The following SNAP91 variants were observed in gnomAD, a reference collection of about 807,000 sequenced individuals.
SNAP91 encodes synaptosome associated protein 91, also known as clathrin coat assembly protein AP180.
Under a neutral mutation model 100.3 loss-of-function variants are expected in SNAP91, and 27 were observed. The observed-to-expected ratio is 0.27, with a 90% CI of 0.20 to 0.37. SNAP91 has a LOEUF of 0.37. Ranked by LOEUF, SNAP91 falls within the 10% of genes least tolerant of loss-of-function variation. The pLI is 1.00. For missense variants in SNAP91, 986 were observed against 1,123.7 expected, an observed-to-expected ratio of 0.88 and a Z score of 1.75; for synonymous variants, 404 against 398.6, an observed-to-expected ratio of 1.01 and a Z score of -0.16.
chr6:83,593,516 G>A lies in SNAP91; in HGVS notation c.1658C>T (p.Thr553Ile). The A allele has an allele frequency of 6.4e-7, 1 of 1,552,588 alleles. No individual in the cohort carries two copies. Among genetic ancestry groups the A allele is most frequent in the Non-Finnish European group, 8.7e-7 (1 of 1,147,522 alleles). ...TAGAGCAGGAGGAGCAGTGGTGGCG[G>A]TGGCAGCGGAGGTGGTGGTAGTGGT... is the stretch of plus-strand genomic sequence containing the variant. ...ATTTTTTSAA[T>I]ATTAPPALDI... The change falls in exon 18 of 30, where the codon ACC becomes ATC. Residue 553 changes from threonine to isoleucine, a missense_variant. Transcript: ENST00000369694.
At position 83,671,257 on chromosome 6, in the gene SNAP91, C is replaced by T. The variant is rs181574249; in HGVS notation, c.131-5676G>A. On this transcript the variant is annotated intron_variant, in intron 2 of 29. Transcript: ENST00000369694. ...GATGCATTCCTAATGTTTTATACTT[C>T]TTCAAGATATGGGGATATTTATTTT... 1.7e-3 allele frequency among the ~76,000 whole-genome samples: 252 copies of T among 152,138 alleles called. 2 individuals carry two copies. The highest frequency in any genetic ancestry group is 3.3e-3 in the Admixed American group (50 of 15,262).
At chr6:83,585,541 A>AAACAAAAAAAAAAAC in intron 22 of SNAP91, among the ~76,000 whole-genome samples, 1 of 147,890 alleles carries the variant, frequency 6.8e-6, no homozygotes, top group African/African-American at 2.5e-5. Context: ...AAAAAAAAAA[A>AAACAAAAAAAAAAAC]AAAAAGAAAG....
chr6:83,622,180 A>G (rs916916827), intron 9 of SNAP91, among the ~76,000 whole-genome samples: 8 of 152,210 alleles, frequency 5.3e-5, no homozygotes, highest in Admixed American at 6.5e-5. Flanking sequence ...TATTCTGTCT[A>G]TGAAAAAGAA....
chr6:83,566,225 T>C (rs555582129), intron 26 of SNAP91, among the ~76,000 whole-genome samples: 1 of 152,264 alleles, frequency 6.6e-6, no homozygotes, highest in South Asian at 2.1e-4. Context: ...TGAAAGGGAC[T>C]GTTTCTTTTA....
At chr6:83,619,362 A>G (rs1197718915) in intron 9 of SNAP91, among the ~76,000 whole-genome samples, 1 of 152,216 alleles carries the variant, frequency 6.6e-6, no homozygotes, top group African/African-American at 2.4e-5. Context: ...CCTTTTCTCA[A>G]CTGCATCTAT....
At chr6:83,568,578 C>T (rs1584379216) in intron 26 of SNAP91, among the ~76,000 whole-genome samples, 2 of 152,104 alleles carry the variant, frequency 1.3e-5, no homozygotes, top group Admixed American at 6.5e-5. Flanking sequence ...CTCCTGATGG[C>T]CATGATGACA....
At chr6:83,592,420 G>A (rs752979570) in intron 21 of SNAP91, 35 bp downstream of exon 21, 1 of 1,374,942 alleles carries the variant, frequency 7.3e-7, no homozygotes, top group East Asian at 2.4e-5. Context: ...AAGAAAAAAA[G>A]ATTCCTTAAG....
intron 2 of SNAP91, among the ~76,000 whole-genome samples, chr6:83,698,974 A>G (rs2099258074): frequency 6.6e-6 from 1 of 152,192 alleles, no homozygotes; most frequent in South Asian, 2.1e-4. Flanking sequence ...TGGTTTTCTG[A>G]GCATTTTTAA....
intron 16 of SNAP91, among the ~76,000 whole-genome samples, chr6:83,599,570 A>G (rs1211835738): frequency 6.6e-6 from 1 of 152,132 alleles, no homozygotes; most frequent in East Asian, 1.9e-4. Flanking sequence ...CAAGTTTCCA[A>G]TTGTATAGAT....
chr6:83,612,852 C>T (rs2096233763), intron 11 of SNAP91, among the ~76,000 whole-genome samples: 1 of 149,876 alleles, frequency 6.7e-6, no homozygotes, highest in African/African-American at 2.5e-5. Context: ...GATCGCACCA[C>T]CGCACTCCCT....
intron 2 of SNAP91, among the ~76,000 whole-genome samples, chr6:83,667,144 G>A (rs1383613523): frequency 6.6e-6 from 1 of 151,750 alleles, no homozygotes; most frequent in African/African-American, 2.4e-5. Context: ...ATAACGCATG[G>A]GTAAAAAAAT....
At chr6:83,588,799 G>T (rs895767985) in intron 22 of SNAP91, among the ~76,000 whole-genome samples, 8 of 152,154 alleles carry the variant, frequency 5.3e-5, no homozygotes, top group Admixed American at 4.6e-4. Flanking sequence ...CAATATCTCA[G>T]GTTCTAGCCT....
intron 3 of SNAP91, 54 bp from the exon 4 acceptor site, chr6:83,662,476 A>G (rs1263110900): frequency 5.7e-6 from 4 of 701,690 alleles, no homozygotes; most frequent in Middle Eastern, 3.1e-4. Context: ...ACTTTTAAAC[A>G]ATTTCTGACA....
At chr6:83,706,727 G>C (rs976972239) in intron 2 of SNAP91, among the ~76,000 whole-genome samples, 5 of 152,230 alleles carry the variant, frequency 3.3e-5, no homozygotes, top group Admixed American at 2.6e-4. Context: ...ATGGGCAAAG[G>C]AAGCCAGCTG....
At chr6:83,673,394 T>C (rs1376669442) in intron 2 of SNAP91, among the ~76,000 whole-genome samples, 1 of 152,128 alleles carries the variant, frequency 6.6e-6, no homozygotes, top group African/African-American at 2.4e-5. Context: ...GTCAGCAGTG[T>C]GCAGTACAGA....
At chr6:83,610,560 GGT>G (rs2095947751) in intron 12 of SNAP91, 88 bp downstream of exon 12, 1 of 447,282 alleles carries the variant, frequency 2.2e-6, no homozygotes, top group Admixed American at 4.1e-5. Flanking sequence ...ACAATGTTAA[GGT>G]ATATAATGCC....
intron 8 of SNAP91, among the ~76,000 whole-genome samples, chr6:83,638,600 A>G (rs887234708): frequency 6.6e-6 from 1 of 152,200 alleles, no homozygotes; most frequent in African/African-American, 2.4e-5. Flanking sequence ...CTGTGATAAG[A>G]AGGCACTGAA....
chr6:83,687,770 C>T (rs566085050), intron 2 of SNAP91, among the ~76,000 whole-genome samples: 1 of 152,146 alleles, frequency 6.6e-6, no homozygotes, highest in Non-Finnish European at 1.5e-5. Flanking sequence ...CTGGGACTAG[C>T]AGGGGCAGAG....
At chr6:83,708,006 C>A (rs1562774648) in intron 1 of SNAP91, 49 bp from the exon 2 acceptor site, 4 of 1,444,576 alleles carry the variant, frequency 2.8e-6, no homozygotes, top group East Asian at 5.3e-5. Flanking sequence ...CAGACCCTAC[C>A]CTCCAAGCAC....
Sources: allele counts gnomAD v4.1 joint callset (sites outside exome capture counted in the v4.1 genomes callset), GRCh38; gene constraint gnomAD v4.1.1; transcripts MANE v1.5; gene names NCBI Gene and HGNC (gene_info 2026-07-23, HGNC 2026-07-21).